Variants in FOXP2 observed in about 807,000 individuals in gnomAD.
The protein encoded by FOXP2 is forkhead box protein P2.
In FOXP2, 12 loss-of-function variants were observed where a neutral mutation model predicts 115.8. The observed-to-expected ratio is 0.10, with a 90% CI of 0.07 to 0.17. FOXP2 has a LOEUF of 0.17. Ranked by LOEUF, FOXP2 falls within the 10% of genes least tolerant of loss-of-function variation. The probability of loss-of-function intolerance (pLI) is 1.00; values close to 1 mark genes in which losing one functional copy is unlikely to be tolerated. For missense variants in FOXP2, 629 were observed against 843.5 expected, an observed-to-expected ratio of 0.75 and a Z score of 3.15; for synonymous variants, 328 against 297.7, an observed-to-expected ratio of 1.10 and a Z score of -1.05.
At chr7:114,127,200 A>T (rs959985333) in intron 1 of FOXP2, among the ~76,000 whole-genome samples, 20 of 152,318 alleles carry the variant, frequency 1.3e-4, no homozygotes, top group African/African-American at 4.8e-4. Flanking sequence ...CTGAATATGA[A>T]AGCCTACTCT....
intron 2 of FOXP2, among the ~76,000 whole-genome samples, chr7:114,378,372 C>T (rs916293623): frequency 1.3e-5 from 2 of 152,008 alleles, no homozygotes; most frequent in African/African-American, 4.8e-5. Flanking sequence ...ATTGGACTTA[C>T]TTGCTGAAAT....
At chr7:114,470,204 C>G (rs1490900894) in intron 2 of FOXP2, among the ~76,000 whole-genome samples, 1 of 152,156 alleles carries the variant, frequency 6.6e-6, no homozygotes, top group South Asian at 2.1e-4. Context: ...TCTCCCATTG[C>G]TCTCTTAGCT....
chr7:114,232,736 C>T (rs977024225), intron 1 of FOXP2, among the ~76,000 whole-genome samples: 1 of 151,764 alleles, frequency 6.6e-6, no homozygotes, highest in Non-Finnish European at 1.5e-5. Context: ...TCACTTGAAC[C>T]CGGGAGGCGG....
intron 2 of FOXP2, among the ~76,000 whole-genome samples, chr7:114,305,361 C>T (rs1234487170): frequency 6.6e-6 from 1 of 152,086 alleles, no homozygotes; most frequent in Non-Finnish European, 1.5e-5. Flanking sequence ...AATAAGTCTC[C>T]TTATAACAGT....
intron 1 of FOXP2, among the ~76,000 whole-genome samples, chr7:114,191,085 G>A (rs1793747463): frequency 6.6e-6 from 1 of 152,144 alleles, no homozygotes; most frequent in Non-Finnish European, 1.5e-5. Flanking sequence ...GGTTGATCAG[G>A]TATAACTCAC....
At chr7:114,220,170 G>T (rs1794587425) in intron 1 of FOXP2, among the ~76,000 whole-genome samples, 2 of 151,610 alleles carry the variant, frequency 1.3e-5, no homozygotes, top group African/African-American at 4.8e-5. Flanking sequence ...CCCTGTGAGG[G>T]TTTTTAAAAG....
intron 2 of FOXP2, among the ~76,000 whole-genome samples, chr7:114,305,238 G>T (rs1489586967): frequency 6.6e-6 from 1 of 152,118 alleles, no homozygotes; most frequent in African/African-American, 2.4e-5. Flanking sequence ...TTTACCAAGA[G>T]CTTGAAGGAG....
intron 2 of FOXP2, among the ~76,000 whole-genome samples, chr7:114,394,887 G>C (rs928571014): frequency 2.0e-5 from 3 of 152,194 alleles, no homozygotes; most frequent in African/African-American, 7.2e-5. Context: ...CTTCGCTAGA[G>C]AGGACATTAT....
At chr7:114,166,371 T>A (rs1232007622) in intron 1 of FOXP2, among the ~76,000 whole-genome samples, 1 of 152,184 alleles carries the variant, frequency 6.6e-6, no homozygotes, top group African/African-American at 2.4e-5. Flanking sequence ...ATAAAAGATT[T>A]GTATCTAAAA....
At chr7:114,589,284 T>A (rs1802320643) in intron 3 of FOXP2, among the ~76,000 whole-genome samples, 1 of 152,188 alleles carries the variant, frequency 6.6e-6, no homozygotes, top group Non-Finnish European at 1.5e-5. Context: ...TGGTTCAATA[T>A]ATGGAGTAGC....
chr7:114,334,667 G>A (rs1218128315), intron 2 of FOXP2, among the ~76,000 whole-genome samples: 1 of 150,796 alleles, frequency 6.6e-6, no homozygotes, highest in Non-Finnish European at 1.5e-5. Context: ...GAGAAACTGG[G>A]TTCAAATTTT....
intron 2 of FOXP2, among the ~76,000 whole-genome samples, chr7:114,302,795 G>T (rs1032815071): frequency 2.0e-5 from 3 of 152,160 alleles, no homozygotes; most frequent in African/African-American, 7.2e-5. Flanking sequence ...TAAGCAAGCT[G>T]CCATGTTTTT....
chr7:114,468,807 G>A (rs371296582), intron 2 of FOXP2, among the ~76,000 whole-genome samples: 1 of 152,010 alleles, frequency 6.6e-6, no homozygotes, highest in Non-Finnish European at 1.5e-5. Context: ...TAAGACTCAG[G>A]ATTATTCAAC....
chr7:114,171,677 C>T (rs200035644), intron 1 of FOXP2, among the ~76,000 whole-genome samples: 5 of 152,132 alleles, frequency 3.3e-5, no homozygotes, highest in South Asian at 2.1e-4. Flanking sequence ...CATTCCATAG[C>T]GCACAGATCA....
chr7:114,596,328 A>G (rs944338181), intron 3 of FOXP2, among the ~76,000 whole-genome samples: 3 of 152,082 alleles, frequency 2.0e-5, no homozygotes, highest in African/African-American at 7.2e-5. Flanking sequence ...AGCTTGGAGT[A>G]GCAGTGCCCA....
At chr7:114,456,848 A>G (rs763058647) in intron 2 of FOXP2, among the ~76,000 whole-genome samples, 4 of 152,228 alleles carry the variant, frequency 2.6e-5, no homozygotes, top group Non-Finnish European at 4.4e-5. Context: ...AGCCTTAAAA[A>G]GAAGGAAATC....
chr7:114,275,090 T>G (rs1264492644), intron 1 of FOXP2, among the ~76,000 whole-genome samples: 2 of 152,096 alleles, frequency 1.3e-5, no homozygotes. Context: ...GACTTTTTTT[T>G]TCTTTTTCTT....
At chr7:114,435,186 C>A (rs896349275) in intron 2 of FOXP2, among the ~76,000 whole-genome samples, 3 of 152,100 alleles carry the variant, frequency 2.0e-5, no homozygotes, top group Non-Finnish European at 4.4e-5. Flanking sequence ...ATTTCCCCAG[C>A]CTTCAGTACA....
At chr7:114,128,229 G>A (rs958142029) in intron 1 of FOXP2, among the ~76,000 whole-genome samples, 1 of 152,020 alleles carries the variant, frequency 6.6e-6, no homozygotes, top group Non-Finnish European at 1.5e-5. Flanking sequence ...GTTTTAATGT[G>A]CAAACAAACC....
Sources: gnomAD v4.1 joint callset for allele counts (sites outside exome capture counted in the v4.1 genomes callset) on GRCh38, gnomAD v4.1.1 for gene constraint, MANE v1.5 for transcripts, NCBI Gene and HGNC (gene_info 2026-07-23, HGNC 2026-07-21) for gene names.